SYNPO2: variants seen among roughly 807,000 people sequenced by gnomAD.
The protein encoded by SYNPO2 is synaptopodin-2.
Under a neutral mutation model 85.0 loss-of-function variants are expected in SYNPO2, and 56 were observed. The ratio of observed to expected loss-of-function variants is 0.66; its 90% confidence interval spans 0.53 to 0.82. The LOEUF is 0.82. SYNPO2 is among the 40% of genes least tolerant of loss of function. The pLI is 0.00. For synonymous variants in SYNPO2, 602 were observed against 591.1 expected, an observed-to-expected ratio of 1.02 and a Z score of -0.27; for missense variants, 1,575 against 1,534.2, an observed-to-expected ratio of 1.03 and a Z score of -0.44.
chr4:118,876,658 CCTTCCTTTCTCTTTCTTT>C (rs1560812518), intron 1 of SYNPO2, among the ~76,000 whole-genome samples: 4 of 148,346 alleles, frequency 2.7e-5, no homozygotes, highest in African/African-American at 5.0e-5. Flanking sequence ...TTCCTTCCTT[CCTTCCTTTCTCTTTCTTT>C]CTTTCTTTCT....
chr4:118,903,726 T>TC (rs1429483864), intron 1 of SYNPO2, among the ~76,000 whole-genome samples: 49 of 151,994 alleles, frequency 3.2e-4, no homozygotes. Flanking sequence ...ACAATTTTTT[T>TC]TTTTTAGACG....
upstream of SYNPO2, among the ~76,000 whole-genome samples, chr4:118,887,166 AGTGTGT>A (rs71595329): frequency 1.2e-3 from 169 of 139,134 alleles, no homozygotes; most frequent in Admixed American, 2.5e-3. Flanking sequence ...CATCTGAGTG[AGTGTGT>A]GTGTGTGTGT....
At chr4:118,883,524 T>G (rs1157756932) in intron 1 of SYNPO2, among the ~76,000 whole-genome samples, 1 of 152,180 alleles carries the variant, frequency 6.6e-6, no homozygotes, top group Non-Finnish European at 1.5e-5. Context: ...TGGGGAAAGA[T>G]AGAATGGGTA....
intron 1 of SYNPO2, among the ~76,000 whole-genome samples, chr4:118,899,753 TTTTTG>T (rs538041256): frequency 2.0e-5 from 3 of 152,210 alleles, no homozygotes; most frequent in East Asian, 3.9e-4. Flanking sequence ...TGGCTGTACT[TTTTTG>T]TTTTGTTTTG....
At chr4:119,014,522 G>T (rs1252979555) in intron 1 of SYNPO2, among the ~76,000 whole-genome samples, 1 of 152,104 alleles carries the variant, frequency 6.6e-6, no homozygotes, top group Non-Finnish European at 1.5e-5. Flanking sequence ...AAGTACTTAT[G>T]TTAACATGCA....
upstream of SYNPO2, among the ~76,000 whole-genome samples, chr4:118,887,836 T>C (rs1732234670): frequency 6.6e-6 from 1 of 152,202 alleles, no homozygotes. Flanking sequence ...ACAGGCAGCG[T>C]GTCTGGAAAT....
intron 1 of SYNPO2, among the ~76,000 whole-genome samples, chr4:118,996,686 T>C (rs747061756): frequency 6.6e-5 from 10 of 151,372 alleles, no homozygotes; most frequent in Admixed American, 3.3e-4. Flanking sequence ...TGAAACCCCA[T>C]TTCTATTCAA....
chr4:119,022,745 T>TTATTTTATTTTATTTTA (rs1390927291), intron 1 of SYNPO2, among the ~76,000 whole-genome samples: 1 of 101,748 alleles, frequency 9.8e-6, no homozygotes, highest in Non-Finnish European at 2.3e-5. Flanking sequence ...ATTTTATGTT[T>TTATTTTATTTTATTTTA]TATTTTATTT....
intron 1 of SYNPO2, among the ~76,000 whole-genome samples, chr4:119,010,756 A>G (rs190997876): frequency 1.8e-4 from 27 of 152,322 alleles, no homozygotes; most frequent in Admixed American, 5.2e-4. Context: ...CATTATTTCA[A>G]TTCAGAGCCC....
chr4:119,033,589 C>A (rs1042562477), intron 4 of SYNPO2: 1 of 985,268 alleles, frequency 1.0e-6, no homozygotes, highest in Non-Finnish European at 1.2e-6. Context: ...TGTTTAGAGA[C>A]CTCTCAGAAA....
chr4:118,999,151 G>GT (rs1267680975), intron 1 of SYNPO2, among the ~76,000 whole-genome samples: 1 of 152,052 alleles, frequency 6.6e-6, no homozygotes, highest in Non-Finnish European at 1.5e-5. Context: ...TGATGGATAA[G>GT]TTTTTTTGTT....
intron 4 of SYNPO2, among the ~76,000 whole-genome samples, chr4:119,039,091 C>A (rs1232097284): frequency 6.6e-6 from 1 of 152,082 alleles, no homozygotes; most frequent in African/African-American, 2.4e-5. Context: ...AATCATAGAA[C>A]CACTAATAAG....
At chr4:119,050,385 A>G (rs1028501893) in intron 4 of SYNPO2, among the ~76,000 whole-genome samples, 18 of 152,054 alleles carry the variant, frequency 1.2e-4, no homozygotes, top group East Asian at 1.9e-4. Flanking sequence ...GTATAGTCCA[A>G]TTAGATTTAG....
At chr4:118,977,452 T>G (rs1735832663) in intron 1 of SYNPO2, among the ~76,000 whole-genome samples, 1 of 152,176 alleles carries the variant, frequency 6.6e-6, no homozygotes, top group African/African-American at 2.4e-5. Flanking sequence ...CCCTGCAAGC[T>G]GAGGGAGTGG....
chr4:119,030,095 A>G lies in SYNPO2; in HGVS notation c.1320A>G (p.Ala440=). The G allele has an allele frequency of 6.2e-7, 1 of 1,614,140 alleles. No individual in the cohort carries two copies. Among genetic ancestry groups the G allele is most frequent in the South Asian group, 1.1e-5 (1 of 91,078 alleles). The change falls in exon 4 of 5, where the codon GCA becomes GCG. Residue 440 remains alanine (A), a synonymous_variant. Coordinates refer to ENST00000307142, the MANE Select transcript of SYNPO2 (RefSeq NM_133477.3). ...EDTCEVAFLG[A]SESEVDEELL... is the part of the protein sequence containing the mutation. ...CATGTGAAGTAGCATTTCTTGGTGC[A>G]AGCGAATCAGAGGTGGATGAAGAGT...
rs1731502105 is a variant in SYNPO2, at chr4:118,856,190, T to C, written c.12+5250T>C. On this transcript the variant is annotated intron_variant, in intron 1 of 4. Coordinates refer to the SYNPO2 transcript ENST00000610556. ...GCTTTATCCTAAGTGCCTAGCACTG[T>C]GTGCAAGTAACATATTCGGTGCTCA... Among the ~76,000 whole-genome samples, 4 of 152,364 alleles carry C rather than the reference T, an allele frequency of 2.6e-5. No homozygotes were observed. In the South Asian group the frequency reaches 8.3e-4, roughly 32 times the overall value.
At chr4:118,954,613 T>C (rs1734809531) in intron 1 of SYNPO2, among the ~76,000 whole-genome samples, 1 of 152,152 alleles carries the variant, frequency 6.6e-6, no homozygotes, top group Non-Finnish European at 1.5e-5. Context: ...TTTGTATTCT[T>C]GAAATAGATG....
At chr4:118,890,297 A>G (rs1358816677) in intron 1 of SYNPO2, among the ~76,000 whole-genome samples, 3 of 152,118 alleles carry the variant, frequency 2.0e-5, no homozygotes, top group Non-Finnish European at 4.4e-5. Flanking sequence ...AATTGCAAAC[A>G]TCAAGAATGA....
chr4:118,943,912 C>T (rs4834729), intron 1 of SYNPO2, among the ~76,000 whole-genome samples: 24,323 of 152,184 alleles, frequency 0.16, 2,397 homozygotes, highest in East Asian at 0.24. Flanking sequence ...GTTAGCAAAA[C>T]GTTACTTGAC....
Sources: gnomAD v4.1 joint callset for allele counts (sites outside exome capture counted in the v4.1 genomes callset) on GRCh38, gnomAD v4.1.1 for gene constraint, MANE v1.5 for transcripts, NCBI Gene and HGNC (gene_info 2026-07-23, HGNC 2026-07-21) for gene names.